Variants in SAMD11 observed in about 807,000 individuals in gnomAD.
SAMD11 encodes sterile alpha motif domain containing 11.
Under a neutral mutation model 64.4 loss-of-function variants are expected in SAMD11, and 77 were observed. That is an observed-to-expected ratio of 1.20 (90% CI 0.99 to 1.44). The LOEUF is 1.44. Ranked by LOEUF, SAMD11 falls within the 40% of genes most tolerant of loss-of-function variation. The pLI, the probability that SAMD11 is intolerant of heterozygous loss-of-function variation, is 0.00. For missense variants in SAMD11, 1,402 were observed against 943.3 expected (o/e 1.49, Z -6.37); for synonymous variants, 658 against 421.9 (o/e 1.56, Z -6.86).
chr1:942,424 C>T lies in SAMD11; in HGVS notation c.1489C>T (p.Pro497Ser), dbSNP rs1000750610. ...CTCCCCACCAGGCTACGGCTTCCTGCCCCCCGCGCAGGCGGAGATGTTCGC... is the reference window on the plus strand; with the variant it reads ...CTCCCCACCAGGCTACGGCTTCCTGTCCCCCGCGCAGGCGGAGATGTTCGC... ...LCQTPGYGFLPPAQAEMFAWQ... is the reference protein window; with the variant it reads ...LCQTPGYGFLSPAQAEMFAWQ... The change falls in exon 10 of 14, where the codon CCC (proline) becomes TCC (serine). Residue 497 changes from proline to serine, a missense_variant. Pro to Ser is a moderately conservative substitution (Grantham distance 74). Coordinates refer to ENST00000616016, the MANE Select transcript of SAMD11 (RefSeq NM_001385641.1). The T allele has an allele frequency of 1.0e-5, 15 of 1,483,786 alleles. No individual in the cohort carries two copies. The highest frequency in any genetic ancestry group is 3.8e-5 in the South Asian group (3 of 78,358). The allele number at this position is 1,483,786 out of a possible 1,614,324, so 91.9% of individuals were successfully genotyped here.
intron 2 of SAMD11, 33 bp downstream of exon 2, chr1:926,046 T>C (rs1640868035): frequency 1.3e-6 from 2 of 1,585,534 alleles, no homozygotes; most frequent in South Asian, 1.1e-5. Context: ...GGCTGGGAGT[T>C]ACTCTCCCCT....
At position 943,767 on chromosome 1, in the gene SAMD11, A is replaced by G; in HGVS notation, c.2248A>G (p.Met750Val). 6.2e-7 allele frequency: 1 copy of G among 1,612,038 alleles called. No homozygotes were observed. Among genetic ancestry groups the G allele is most frequent in the East Asian group, 2.2e-5 (1 of 44,838 alleles). The part of the protein sequence containing the change: ...LLTEEHLLTN[M>V]GLKLGPALKI... Reference sequence around the variant, plus strand: ...GACGGAGGAGCACCTGCTGACCAACATGGGGCTGAAGCTGGGGCCCGCCCT... The same window carrying G: ...GACGGAGGAGCACCTGCTGACCAACGTGGGGCTGAAGCTGGGGCCCGCCCT... The change falls in exon 13 of 14, where the codon ATG becomes GTG. Residue 750 changes from methionine to valine, a missense_variant. Transcript: ENST00000616016.
At position 944,219 on chromosome 1, in the gene SAMD11, G is replaced by A. The variant is rs1642010853; in HGVS notation, c.*66G>A. 1 of 1,469,994 alleles carries A rather than the reference G, an allele frequency of 6.8e-7. No homozygotes were observed. The highest frequency in any genetic ancestry group is 9.0e-7 in the Non-Finnish European group (1 of 1,111,808). 91.1% of individuals were successfully genotyped at this position (1,469,994 alleles called of 1,614,324 possible). A position where few individuals can be genotyped will look rare whatever the true frequency, so the allele number is the denominator to read the frequency against. On this transcript the variant is annotated 3_prime_UTR_variant, in exon 14 of 14. Coordinates refer to ENST00000616016, the MANE Select transcript of SAMD11 (RefSeq NM_001385641.1). ...AGCCACCACTCAACACAATGGCCCT[G>A]CCTCCCACCGCTTTATTTCTTTCGG...
Position 935,794 on chromosome 1 carries a change from C to G in SAMD11, c.865C>G (p.Leu289Val), listed in dbSNP as rs768034975. 6.2e-7 allele frequency: 1 copy of G among 1,613,314 alleles called. No individual in the cohort carries two copies. The highest frequency in any genetic ancestry group is 8.5e-7 in the Non-Finnish European group (1 of 1,179,878). The change falls in exon 5 of 14, where the codon CTC becomes GTC. Residue 289 changes from leucine to valine, a missense_variant. Leu to Val is a conservative substitution (Grantham distance 32). Transcript: ENST00000616016. ...CAGCCAGGACGGCAACCTTCCCACC[C>G]TCATATCCAGCGTCCACCGCAGCCG... ...SCSQDGNLPTLISSVHRSRHL... is the reference protein window; with the variant it reads ...SCSQDGNLPTVISSVHRSRHL...
rs753657240 is a variant in SAMD11, at chr1:935,908, A to T, written c.967+12A>T. 3.7e-6 allele frequency: 6 copies of T among 1,611,570 alleles called. No individual in the cohort carries two copies. The highest frequency in any genetic ancestry group is 1.7e-4 in the Middle Eastern group (1 of 5,962). ...CCTGCGACCCGCCGGTGAGGAGCAC[A>T]GGGGGCCTGAGGGCGGGGTCGGGGC... On this transcript the variant is annotated intron_variant, in intron 5 of 13. Transcript: ENST00000616016.
chr1:937,952 G>T (rs902977071), intron 5 of SAMD11, among the ~76,000 whole-genome samples: 1 of 152,244 alleles, frequency 6.6e-6, no homozygotes, highest in East Asian at 1.9e-4. Context: ...GGCAGGGCTT[G>T]TGGGGGGACG....
Position 942,454 on chromosome 1 carries a change from C to T in SAMD11, c.1519C>T (p.Gln507Ter), listed in dbSNP as rs1025036745. The change falls in exon 10 of 14, where the codon CAG becomes TAG. Residue 507 changes from glutamine to a stop codon, truncating the protein, a stop_gained. Coordinates refer to ENST00000616016, the MANE Select transcript of SAMD11 (RefSeq NM_001385641.1). LOFTEE classifies it high-confidence loss of function. ...CGCGCAGGCGGAGATGTTCGCCTGG[C>T]AGCAGGAGCTCCTGCGGAAGCAGAA... Reference protein sequence around the residue: ...PPAQAEMFAWQQELLRKQNLA... With the variant: ...PPAQAEMFAW The T allele has an allele frequency of 6.7e-7, 1 of 1,488,312 alleles. No homozygotes were observed. The highest frequency in any genetic ancestry group is 8.9e-7 in the Non-Finnish European group (1 of 1,125,664). 92.2% of individuals were successfully genotyped at this position (1,488,312 alleles called of 1,614,324 possible). A position where few individuals can be genotyped will look rare whatever the true frequency, so the allele number is the denominator to read the frequency against.
chr1:939,546 CA>C (rs1641638103), intron 7 of SAMD11, 134 bp downstream of exon 7: 12 of 1,482,626 alleles, frequency 8.1e-6, no homozygotes, highest in African/African-American at 1.4e-5. Context: ...GCCCTGCTGA[CA>C]CCAAGGCCAG....
In SAMD11 at chr1:943,826, G is replaced by A. The variant is rs200208120; in HGVS notation, c.2289+18G>A. ...GGGCCCAGGTGAGACGCTGGGGAGTGAGGTCAGGGTCTCCAGACCACAGCT... is the reference window on the plus strand; with the variant it reads ...GGGCCCAGGTGAGACGCTGGGGAGTAAGGTCAGGGTCTCCAGACCACAGCT... On this transcript the variant is annotated intron_variant, in intron 13 of 13. Transcript: ENST00000616016. 19 of 1,612,954 alleles carry A rather than the reference G, an allele frequency of 1.2e-5. No homozygotes were observed. The highest frequency in any genetic ancestry group is 1.7e-4 in the Middle Eastern group (1 of 6,006).
At chr1:928,186 G>A (rs1569863983) in intron 2 of SAMD11, among the ~76,000 whole-genome samples, 1 of 152,164 alleles carries the variant, frequency 6.6e-6, no homozygotes, top group South Asian at 2.1e-4. Flanking sequence ...GAGGTCAGGA[G>A]ATCGAGACCA....
At chr1:931,690 G>A (rs1364483447) in intron 4 of SAMD11, among the ~76,000 whole-genome samples, 1 of 152,230 alleles carries the variant, frequency 6.6e-6, no homozygotes. Flanking sequence ...CAGTGACCAG[G>A]TGTATGTTTG....
chr1:944,453 T>C lies in SAMD11; in HGVS notation c.*300T>C. On this transcript the variant is annotated 3_prime_UTR_variant, in exon 14 of 14. Transcript: ENST00000616016. ...TCGGTCTGCTGACGTCAGGGTCAGCTCCCCCGCGGAGCTGACTTCAGCAGC... is the reference window on the plus strand; with the variant it reads ...TCGGTCTGCTGACGTCAGGGTCAGCCCCCCCGCGGAGCTGACTTCAGCAGC... 3.5e-6 allele frequency: 3 copies of C among 862,286 alleles called. No homozygotes were observed. Among genetic ancestry groups the C allele is most frequent in the East Asian group, 3.1e-5 (1 of 32,232 alleles). The allele number at this position is 862,286 out of a possible 1,614,324, so 53.4% of individuals were successfully genotyped here. A position where few individuals can be genotyped will look rare whatever the true frequency, so the allele number is the denominator to read the frequency against.
At chr1:938,488 C>T (rs986943814) in intron 5 of SAMD11, among the ~76,000 whole-genome samples, 1 of 152,148 alleles carries the variant, frequency 6.6e-6, no homozygotes, top group Non-Finnish European at 1.5e-5. Context: ...CGTGGGCCTT[C>T]TGGGGGCAGG....
At chr1:926,197 G>A (rs918834067) in intron 2 of SAMD11, among the ~76,000 whole-genome samples, 184 bp downstream of exon 2, 5 of 152,114 alleles carry the variant, frequency 3.3e-5, no homozygotes, top group Admixed American at 6.5e-5. Flanking sequence ...TACCTGGACG[G>A]GGGAGGAGTC....
rs559738924 is a variant in SAMD11, at chr1:933,071, T to A, written c.842+1982T>A. ...CCCAGCCCTGACTGCTTCTCCCAGC[T>A]TCCCCACCTCCTGACCTGCAGCCCG... On this transcript the variant is annotated intron_variant, in intron 4 of 13. Transcript: ENST00000616016. Among the ~76,000 whole-genome samples, 125 of 152,250 alleles carry A rather than the reference T, an allele frequency of 8.2e-4. 1 individual carries two copies. The highest frequency in any genetic ancestry group is 3.0e-3 in the African/African-American group (123 of 41,560).
chr1:941,881 AGGCGGGGCCGGC>A (rs1469932094), intron 8 of SAMD11, among the ~76,000 whole-genome samples: 1 of 152,044 alleles, frequency 6.6e-6, no homozygotes, highest in Non-Finnish European at 1.5e-5. Context: ...GGAGGGGAGC[AGGCGGGGCCGGC>A]GCCCCGCGCA....
intron 2 of SAMD11, among the ~76,000 whole-genome samples, chr1:927,548 G>C (rs1468568611): frequency 6.6e-6 from 1 of 152,166 alleles, no homozygotes; most frequent in Admixed American, 6.5e-5. Flanking sequence ...CCTTCCCCTA[G>C]GAAGCAACTC....
At chr1:926,945 G>A (rs957483852) in intron 2 of SAMD11, among the ~76,000 whole-genome samples, 2 of 152,170 alleles carry the variant, frequency 1.3e-5, no homozygotes, top group Non-Finnish European at 2.9e-5. Context: ...CCTGCTTTGG[G>A]CCTGAGGTAG....
chr1:928,087 TCTC>T (rs1468367202), intron 2 of SAMD11, among the ~76,000 whole-genome samples: 2 of 152,192 alleles, frequency 1.3e-5, no homozygotes, highest in Non-Finnish European at 2.9e-5. Flanking sequence ...CATTGTGTCT[TCTC>T]CTCAAAAGAA....
Sources: allele counts gnomAD v4.1 joint callset (sites outside exome capture counted in the v4.1 genomes callset), GRCh38; gene constraint gnomAD v4.1.1; transcripts MANE v1.5; gene names NCBI Gene and HGNC (gene_info 2026-07-23, HGNC 2026-07-21).